The following SUFU variants were observed in gnomAD, a reference collection of about 807,000 sequenced individuals.
The protein encoded by SUFU is SUFU negative regulator of hedgehog signaling, also known as suppressor of fused homolog.
Under a neutral mutation model 58.9 loss-of-function variants are expected in SUFU, and 7 were observed. That is an observed-to-expected ratio of 0.12 (90% CI 0.07 to 0.22). The LOEUF is 0.22. SUFU is among the 10% of genes least tolerant of loss of function. The probability of loss-of-function intolerance (pLI) is 1.00; values close to 1 mark genes in which losing one functional copy is unlikely to be tolerated. For synonymous variants in SUFU, 232 were observed against 254.8 expected, an observed-to-expected ratio of 0.91 and a Z score of 0.85; for missense variants, 451 against 641.3, an observed-to-expected ratio of 0.70 and a Z score of 3.20.
intron 3 of SUFU, among the ~76,000 whole-genome samples, chr10:102,580,499 G>C (rs779295824): frequency 6.6e-6 from 1 of 152,144 alleles, no homozygotes; most frequent in African/African-American, 2.4e-5. Flanking sequence ...TGGGGAGGGG[G>C]TATGGAGCCG....
At chr10:102,584,872 A>G (rs1266400580) in intron 3 of SUFU, among the ~76,000 whole-genome samples, 2 of 152,254 alleles carry the variant, frequency 1.3e-5, no homozygotes, top group African/African-American at 2.4e-5. Context: ...GGCCATGCCC[A>G]TCATCACTGA....
At chr10:102,622,064 G>A (rs1410730932) in intron 10 of SUFU, among the ~76,000 whole-genome samples, 1 of 152,192 alleles carries the variant, frequency 6.6e-6, no homozygotes, top group African/African-American at 2.4e-5. Flanking sequence ...GCTGGTTAAG[G>A]CAGCTGGTGT....
chr10:102,560,803 C>T (rs1035846612), intron 3 of SUFU, among the ~76,000 whole-genome samples: 4 of 151,998 alleles, frequency 2.6e-5, no homozygotes, highest in African/African-American at 7.2e-5. Context: ...TGAGCGTCCT[C>T]GTATATGTAC....
rs536083070 is a variant in SUFU at position 102,578,380 on chromosome 10, C to A, written c.455-14202C>A. Among the ~76,000 whole-genome samples, 106 of 152,158 alleles carry A rather than the reference C, an allele frequency of 7.0e-4. 1 individual carries two copies. The South Asian group carries it at 0.021, about 30-fold the overall frequency. ...ATCACTTGAAGTCAGGAGTTCGAGACCAGCCTGGCCAACATGGTGAAACCC... is the reference window on the plus strand; with the variant it reads ...ATCACTTGAAGTCAGGAGTTCGAGAACAGCCTGGCCAACATGGTGAAACCC... On this transcript the variant is annotated intron_variant, in intron 3 of 11. Transcript: ENST00000369902.
chr10:102,590,843 G>A (rs919235197), intron 3 of SUFU: 3 of 152,152 alleles, frequency 2.0e-5, no homozygotes, highest in Non-Finnish European at 4.4e-5. Context: ...ACACACTTAC[G>A]TAAAAGGAGA....
chr10:102,554,535 C>T (rs2062953634), intron 3 of SUFU, among the ~76,000 whole-genome samples: 1 of 152,354 alleles, frequency 6.6e-6, no homozygotes, highest in East Asian at 1.9e-4. Flanking sequence ...CCTTACGTCT[C>T]CTTTTAGTCA....
chr10:102,630,352 A>G lies in SUFU; in HGVS notation c.*197A>G. Reference sequence around the variant, plus strand: ...ACCTCACCTCCAGCTCAGGGGCCGCACCCCGCCGCTGGCTAAGCCTTGTGA... The same window carrying G: ...ACCTCACCTCCAGCTCAGGGGCCGCGCCCCGCCGCTGGCTAAGCCTTGTGA... On this transcript the variant is annotated 3_prime_UTR_variant, in exon 12 of 12. Transcript: ENST00000369902. The G allele has an allele frequency of 1.6e-6, 1 of 616,812 alleles. No homozygotes were observed. The highest frequency in any genetic ancestry group is 2.9e-6 in the Non-Finnish European group (1 of 345,264). 38.2% of individuals were successfully genotyped at this position (616,812 alleles called of 1,614,324 possible). A position where few individuals can be genotyped will look rare whatever the true frequency, so the allele number is the denominator to read the frequency against.
chr10:102,591,200 G>A (rs1014278012), intron 3 of SUFU, among the ~76,000 whole-genome samples: 6 of 152,130 alleles, frequency 3.9e-5, no homozygotes, highest in African/African-American at 9.7e-5. Context: ...CTCTCCATAT[G>A]CTGAGAAGCA....
rs546296361 is a variant in SUFU, at chr10:102,630,356, C to T, written c.*201C>T. Reference sequence around the variant, plus strand: ...CACCTCCAGCTCAGGGGCCGCACCCCGCCGCTGGCTAAGCCTTGTGACCCA... The same window carrying T: ...CACCTCCAGCTCAGGGGCCGCACCCTGCCGCTGGCTAAGCCTTGTGACCCA... On this transcript the variant is annotated 3_prime_UTR_variant, in exon 12 of 12. Coordinates refer to ENST00000369902, the MANE Select transcript of SUFU (RefSeq NM_016169.4). The T allele has an allele frequency of 1.3e-4, 81 of 613,088 alleles. No individual in the cohort carries two copies. The highest frequency in any genetic ancestry group is 2.2e-4 in the African/African-American group (12 of 54,662). 38.0% of individuals were successfully genotyped at this position (613,088 alleles called of 1,614,324 possible). A position where few individuals can be genotyped will look rare whatever the true frequency, so the allele number is the denominator to read the frequency against.
At chr10:102,529,564 G>C (rs1328574998) in intron 2 of SUFU, among the ~76,000 whole-genome samples, 1 of 152,158 alleles carries the variant, frequency 6.6e-6, no homozygotes, top group Non-Finnish European at 1.5e-5. Flanking sequence ...ACGAGGTCAG[G>C]AGTTCGAGAC....
At chr10:102,577,390 A>G (rs2063223678) in intron 3 of SUFU, among the ~76,000 whole-genome samples, 1 of 151,304 alleles carries the variant, frequency 6.6e-6, no homozygotes, top group African/African-American at 2.4e-5. Context: ...TTACTCTGTC[A>G]CCCAGGAGTG....
chr10:102,624,894 G>A (rs1419425968), intron 10 of SUFU, among the ~76,000 whole-genome samples: 1 of 152,128 alleles, frequency 6.6e-6, no homozygotes, highest in East Asian at 1.9e-4. Context: ...CCCAGCACTT[G>A]TTATAGTCCC....
intron 2 of SUFU, among the ~76,000 whole-genome samples, chr10:102,539,755 C>G (rs1249862096): frequency 2.6e-5 from 4 of 152,038 alleles, no homozygotes; most frequent in Non-Finnish European, 5.9e-5. Context: ...TTAGGGCTCT[C>G]TAGGAAAAAC....
chr10:102,534,958 G>A (rs2062718876), intron 2 of SUFU, among the ~76,000 whole-genome samples: 2 of 152,278 alleles, frequency 1.3e-5, no homozygotes, highest in South Asian at 4.1e-4. Context: ...GCCACTGAAG[G>A]AAAAGGTCTG....
intron 7 of SUFU, among the ~76,000 whole-genome samples, chr10:102,598,399 A>G (rs1440177844): frequency 6.6e-6 from 1 of 151,928 alleles, no homozygotes; most frequent in Non-Finnish European, 1.5e-5. Flanking sequence ...AAAACAATCC[A>G]CCCGCCTCAG....
At chr10:102,612,169 T>TTGTGTG (rs34032732) in intron 8 of SUFU, among the ~76,000 whole-genome samples, 4,755 of 148,258 alleles carry the variant, frequency 0.032, 91 homozygotes, top group South Asian at 0.082. Flanking sequence ...AACTGGGTTC[T>TTGTGTG]TGTGTGTGTG....
chr10:102,539,319 G>A (rs1253517430), intron 2 of SUFU, among the ~76,000 whole-genome samples: 1 of 152,200 alleles, frequency 6.6e-6, no homozygotes, highest in Non-Finnish European at 1.5e-5. Context: ...TAGGATCAGT[G>A]TATGTATTTC....
rs2062894196 is a variant in SUFU at position 102,549,899 on chromosome 10, C to G, written c.318-71C>G. ...GAGGCCACCATAAAAAGGGGGAGAACTTTAGACTTTCAAGAGAGTGTTTTT... is the reference window on the plus strand; with the variant it reads ...GAGGCCACCATAAAAAGGGGGAGAAGTTTAGACTTTCAAGAGAGTGTTTTT... On this transcript the variant is annotated intron_variant, in intron 2 of 11. Coordinates refer to ENST00000369902, the MANE Select transcript of SUFU (RefSeq NM_016169.4). The G allele has an allele frequency of 1.1e-5, 18 of 1,599,464 alleles. No individual in the cohort carries two copies. The South Asian group carries it at 2.0e-4, about 18-fold the overall frequency.
intron 8 of SUFU, among the ~76,000 whole-genome samples, chr10:102,606,710 C>T (rs1033310312): frequency 5.9e-5 from 9 of 152,110 alleles, no homozygotes; most frequent in Non-Finnish European, 7.3e-5. Flanking sequence ...TTTTAGTTTG[C>T]CTGGAAACCC....
Sources: gnomAD v4.1 joint callset for allele counts (sites outside exome capture counted in the v4.1 genomes callset) on GRCh38, gnomAD v4.1.1 for gene constraint, MANE v1.5 for transcripts, NCBI Gene and HGNC (gene_info 2026-07-23, HGNC 2026-07-21) for gene names.